The following CNTN6 variants were observed in gnomAD, a reference collection of about 807,000 sequenced individuals.
The protein encoded by CNTN6 is contactin 6.
Under a neutral mutation model 122.8 loss-of-function variants are expected in CNTN6, and 137 were observed. That is an observed-to-expected ratio of 1.12 (90% CI 0.97 to 1.29). CNTN6 has a LOEUF of 1.29. Among genes scored for constraint, CNTN6 ranks in the 50% most tolerant of loss-of-function variants. The probability of loss-of-function intolerance (pLI) is 0.00; values close to 1 mark genes in which losing one functional copy is unlikely to be tolerated. For missense variants in CNTN6, 1,634 were observed against 1,223.4 expected (o/e 1.34, Z -5.01); for synonymous variants, 570 against 426.0 (o/e 1.34, Z -4.16).
intron 1 of CNTN6, among the ~76,000 whole-genome samples, chr3:1,102,589 C>T (rs939273715): frequency 4.8e-5 from 7 of 145,358 alleles, no homozygotes; most frequent in South Asian, 2.2e-4. Context: ...ATGAGCCGGG[C>T]GTGGTGGCGG....
At chr3:1,346,896 T>C (rs1334980030) in intron 11 of CNTN6, among the ~76,000 whole-genome samples, 1 of 152,110 alleles carries the variant, frequency 6.6e-6, no homozygotes, top group Non-Finnish European at 1.5e-5. Flanking sequence ...AAATAGAAGG[T>C]AATAGGTACA....
intron 4 of CNTN6, among the ~76,000 whole-genome samples, chr3:1,274,093 G>GA (rs1185976646): frequency 1.3e-5 from 2 of 151,924 alleles, no homozygotes; most frequent in Non-Finnish European, 2.9e-5. Context: ...ACAATAGTAA[G>GA]AAAAAAACCT....
chr3:1,257,550 C>A (rs3872626), intron 4 of CNTN6, among the ~76,000 whole-genome samples: 1 of 151,942 alleles, frequency 6.6e-6, no homozygotes, highest in East Asian at 1.9e-4. Context: ...TTCCCCACCC[C>A]TGCCCTATGA....
At chr3:1,333,608 A>G (rs935205272) in intron 11 of CNTN6, among the ~76,000 whole-genome samples, 1 of 152,112 alleles carries the variant, frequency 6.6e-6, no homozygotes, top group Non-Finnish European at 1.5e-5. Flanking sequence ...TAAAACTTCT[A>G]TATGGTACTG....
At chr3:1,274,093 G>GAA (rs1185976646) in intron 4 of CNTN6, among the ~76,000 whole-genome samples, 1 of 151,924 alleles carries the variant, frequency 6.6e-6, no homozygotes, top group Admixed American at 6.6e-5. Flanking sequence ...ACAATAGTAA[G>GAA]AAAAAAACCT....
At position 1,144,029 on chromosome 3, in the gene CNTN6, C is replaced by G. The variant is rs2092671785; in HGVS notation, c.-82-3898C>G. ...CAAAATCTCTAGATTCCCAATGTAG[C>G]CTTTTTCTCTGTACCACCAGGTTGT... On this transcript the variant is annotated intron_variant, in intron 1 of 22. Transcript: ENST00000446702. Among the ~76,000 whole-genome samples, 7 of 152,262 alleles carry G rather than the reference C, an allele frequency of 4.6e-5. No individual in the cohort carries two copies. The South Asian group carries it at 1.5e-3, about 32-fold the overall frequency.
Position 1,383,162 on chromosome 3 carries a change from A to G in CNTN6, c.2387A>G (p.Tyr796Cys). The G allele has an allele frequency of 6.2e-7, 1 of 1,612,828 alleles. No homozygotes were observed. Among genetic ancestry groups the G allele is most frequent in the South Asian group, 1.1e-5 (1 of 91,038 alleles). The change falls in exon 18 of 23, where the codon TAC (tyrosine) becomes TGC (cysteine). Residue 796 changes from tyrosine (Y) to cysteine (C), a missense_variant. Physicochemically the swap from Tyr to Cys is radical, Grantham distance 194. Transcript: ENST00000446702. Reference protein sequence around the residue: ...EGSLSTVTIVYSGEDEPQLAP... With the variant: ...EGSLSTVTIVCSGEDEPQLAP... ...TCCCTGAGTACTGTGACCATTGTCT[A>G]CTCTGGGGAAGATGGTAAGTTGTCC...
intron 1 of CNTN6, among the ~76,000 whole-genome samples, chr3:1,096,264 T>A (rs1165847133): frequency 6.6e-6 from 1 of 152,174 alleles, no homozygotes; most frequent in East Asian, 1.9e-4. Context: ...TGTGTGTGTG[T>A]GTGTGAGTGT....
chr3:1,248,522 A>T lies in CNTN6; in HGVS notation c.358+20529A>T, dbSNP rs74818306. On this transcript the variant is annotated intron_variant, in intron 4 of 22. Transcript: ENST00000446702. ...AAAATTAAGTTCAGAGAAGTGAAGT[A>T]ATGTGCCCAAGGACATCAAGAAATA... Among the ~76,000 whole-genome samples the T allele has an allele frequency of 8.1e-3, 1,234 of 152,284 alleles. 16 individuals are homozygous for T. The highest frequency in any genetic ancestry group is 0.027 in the African/African-American group (1,122 of 41,560).
At chr3:1,205,569 C>G (rs1410950733) in intron 2 of CNTN6, among the ~76,000 whole-genome samples, 1 of 152,158 alleles carries the variant, frequency 6.6e-6, no homozygotes, top group African/African-American at 2.4e-5. Context: ...CAACCAGATT[C>G]CTGCTTGTAG....
intron 4 of CNTN6, among the ~76,000 whole-genome samples, chr3:1,245,255 T>C (rs1395374275): frequency 4.0e-4 from 2 of 5,014 alleles, no homozygotes; most frequent in African/African-American, 9.9e-4. Flanking sequence ...CATATATATA[T>C]AACATATATA....
At chr3:1,252,817 C>A (rs867964394) in intron 4 of CNTN6, among the ~76,000 whole-genome samples, 1 of 152,030 alleles carries the variant, frequency 6.6e-6, no homozygotes, top group Non-Finnish European at 1.5e-5. Flanking sequence ...GAGAAACAGA[C>A]AAATAGTGAG....
rs528565230 is a variant in CNTN6 at position 1,330,024 on chromosome 3, C to T, written c.1364+89C>T. On this transcript the variant is annotated intron_variant, in intron 11 of 22. Transcript: ENST00000446702. ...GTTTTAGTAGGCCTTTCAAAATTTCCTCTTTTATGATAAAGTCTCATTGGC... is the reference window on the plus strand; with the variant it reads ...GTTTTAGTAGGCCTTTCAAAATTTCTTCTTTTATGATAAAGTCTCATTGGC... 3.4e-5 allele frequency: 34 copies of T among 1,003,810 alleles called. No individual in the cohort carries two copies. The African/African-American group carries it at 5.2e-4, about 15-fold the overall frequency. 62.2% of individuals were successfully genotyped at this position (1,003,810 alleles called of 1,614,324 possible). A position where few individuals can be genotyped will look rare whatever the true frequency, so the allele number is the denominator to read the frequency against.
chr3:1,304,965 T>C (rs1016455039), intron 7 of CNTN6, among the ~76,000 whole-genome samples: 3 of 92,530 alleles, frequency 3.2e-5, no homozygotes, highest in Non-Finnish European at 4.1e-5. Context: ...CACTCCAGCC[T>C]AAAGACAGAA....
intron 17 of CNTN6, among the ~76,000 whole-genome samples, chr3:1,377,608 T>C (rs1295248004): frequency 2.0e-5 from 3 of 152,324 alleles, no homozygotes; most frequent in African/African-American, 7.2e-5. Context: ...CACTTCAAAC[T>C]GGAGTATAAA....
At chr3:1,387,036 T>G (rs1161183784) in intron 20 of CNTN6, among the ~76,000 whole-genome samples, 3 of 151,266 alleles carry the variant, frequency 2.0e-5, no homozygotes, top group Non-Finnish European at 4.5e-5. Flanking sequence ...CATGTTCCAA[T>G]TCTGGGTACA....
intron 2 of CNTN6, among the ~76,000 whole-genome samples, chr3:1,215,766 G>A (rs1412848424): frequency 1.3e-5 from 2 of 151,052 alleles, no homozygotes; most frequent in African/African-American, 4.8e-5. Flanking sequence ...GAGAAACTGT[G>A]TACAGAAAAT....
chr3:1,114,902 T>C (rs2091646573), intron 1 of CNTN6, among the ~76,000 whole-genome samples: 1 of 152,156 alleles, frequency 6.6e-6, no homozygotes, highest in Non-Finnish European at 1.5e-5. Flanking sequence ...CAGACTCCCC[T>C]AGAAGGCTCA....
At chr3:1,398,063 T>C (rs183681862) in intron 20 of CNTN6, among the ~76,000 whole-genome samples, 619 of 152,260 alleles carry the variant, frequency 4.1e-3, no homozygotes, top group Non-Finnish European at 7.1e-3. Context: ...CCTGGAAAGA[T>C]TTTAAAAGTT....
Sources: allele counts gnomAD v4.1 joint callset (sites outside exome capture counted in the v4.1 genomes callset), GRCh38; gene constraint gnomAD v4.1.1; transcripts MANE v1.5; gene names NCBI Gene and HGNC (gene_info 2026-07-23, HGNC 2026-07-21).